AK9: variants seen among roughly 807,000 people sequenced by gnomAD.
AK9 encodes adenylate kinase domain containing 1.
A neutral mutation model predicts 239.6 loss-of-function variants in AK9; 191 were observed. The ratio of observed to expected loss-of-function variants is 0.80; its 90% confidence interval spans 0.71 to 0.90. The LOEUF (loss-of-function observed/expected upper bound fraction) is 0.90. Ranked by LOEUF, AK9 falls within the 40% of genes least tolerant of loss-of-function variation. The pLI is 0.00. For synonymous variants in AK9, 689 were observed against 721.0 expected (o/e 0.96, Z 0.71); for missense variants, 1,995 against 2,214.7 (o/e 0.90, Z 1.99).
intron 1 of AK9, among the ~76,000 whole-genome samples, chr6:109,690,000 G>T (rs1347530205): frequency 1.3e-5 from 2 of 152,176 alleles, no homozygotes; most frequent in African/African-American, 2.4e-5. Context: ...ACTACAGGGG[G>T]AAAGAAGCGC....
chr6:109,514,160 A>T, intron 32 of AK9, 64 bp downstream of exon 32: 2 of 1,423,132 alleles, frequency 1.4e-6, no homozygotes, highest in Non-Finnish European at 1.9e-6. Flanking sequence ...TTGACCTGCC[A>T]TGTGCATTGG....
rs752779642 is a variant in AK9, at chr6:109,542,167, G to A, written c.3230C>T (p.Pro1077Leu). The A allele has an allele frequency of 1.1e-5, 18 of 1,583,394 alleles. No homozygotes were observed. The highest frequency in any genetic ancestry group is 1.5e-5 in the Non-Finnish European group (17 of 1,169,556). The stretch of plus-strand genomic sequence containing the variant: ...TTCTTCTTCTGTAAGTTGTACTTCT[G>A]GAAGCTAAAAACAAAAATCAGAAAA... The part of the protein sequence containing the change: ...VEEENTKKQL[P>L]EVQLTEEEEV... Residue 1077 changes from proline to leucine, a missense_variant, in exon 27 of 41, where the codon CCA becomes CTA. Physicochemically the swap from Pro to Leu is moderately conservative, Grantham distance 98 (BLOSUM62 -3). Transcript: ENST00000424296.
At chr6:109,623,957 T>A (rs866800260) in intron 12 of AK9, among the ~76,000 whole-genome samples, 104 of 151,134 alleles carry the variant, frequency 6.9e-4, no homozygotes, top group African/African-American at 2.4e-3. Context: ...TAATACATTT[T>A]AAAAAAATAA....
intron 17 of AK9, among the ~76,000 whole-genome samples, chr6:109,602,971 G>A (rs985962095): frequency 2.6e-5 from 4 of 152,242 alleles, no homozygotes; most frequent in South Asian, 2.1e-4. Context: ...TTAGCCATTC[G>A]TCTAATCTTT....
chr6:109,516,517 T>C lies in AK9; in HGVS notation c.3759A>G (p.Glu1253=). 6.4e-7 allele frequency: 1 copy of C among 1,551,786 alleles called. No individual in the cohort carries two copies. The highest frequency in any genetic ancestry group is 8.7e-7 in the Non-Finnish European group (1 of 1,146,998). The part of the protein sequence containing the change: ...DEEEMSGEED[E]EQETDAIERL... ...GCTCAATTGCATCAGTTTCCTGTTCTTCATCTTCCTCGCCACTCATCTCTT... is the reference window on the plus strand; with the variant it reads ...GCTCAATTGCATCAGTTTCCTGTTCCTCATCTTCCTCGCCACTCATCTCTT... The change falls in exon 30 of 41, where the codon GAA becomes GAG. Residue 1253 remains glutamate (E), a synonymous_variant. Coordinates refer to ENST00000424296, the MANE Select transcript of AK9 (RefSeq NM_001145128.3).
chr6:109,622,728 T>C (rs1795032993), intron 12 of AK9, among the ~76,000 whole-genome samples: 1 of 150,440 alleles, frequency 6.6e-6, no homozygotes. Flanking sequence ...ACATATTATA[T>C]ATTATCTATA....
intron 39 of AK9, 79 bp downstream of exon 39, chr6:109,495,259 C>A: frequency 8.6e-7 from 1 of 1,165,714 alleles, no homozygotes. Flanking sequence ...TTTATTGTTC[C>A]CAAAATGAAA....
chr6:109,588,214 G>A (rs1055112939), intron 17 of AK9, among the ~76,000 whole-genome samples: 2 of 152,102 alleles, frequency 1.3e-5, no homozygotes, highest in Non-Finnish European at 2.9e-5. Context: ...GGGACTACAG[G>A]CATGCGCCAC....
intron 1 of AK9, chr6:109,690,372 T>C (rs536120190): frequency 4.6e-5 from 7 of 152,356 alleles, no homozygotes; most frequent in African/African-American, 1.7e-4. Context: ...GAAAAGAAGC[T>C]GGTCTGGGGG....
chr6:109,631,486 T>C (rs893772234), intron 12 of AK9, among the ~76,000 whole-genome samples: 1 of 152,186 alleles, frequency 6.6e-6, no homozygotes, highest in African/African-American at 2.4e-5. Flanking sequence ...TGAGATACTA[T>C]TATACACTCA....
intron 26 of AK9, 52 bp downstream of exon 26, chr6:109,545,815 A>C: frequency 6.5e-7 from 1 of 1,547,498 alleles, no homozygotes. Context: ...AAACAACAAC[A>C]ATAACAACAG....
At chr6:109,510,170 T>G (rs1320817785) in intron 32 of AK9, among the ~76,000 whole-genome samples, 1 of 151,998 alleles carries the variant, frequency 6.6e-6, no homozygotes, top group Admixed American at 6.5e-5. Flanking sequence ...GTGCCTCTTC[T>G]GGGCCTACCC....
At position 109,671,925 on chromosome 6, in the gene AK9, G is replaced by A; in HGVS notation, c.325C>T (p.His109Tyr). The A allele has an allele frequency of 1.2e-6, 2 of 1,613,330 alleles. No individual in the cohort carries two copies. Among genetic ancestry groups the A allele is most frequent in the South Asian group, 2.2e-5 (2 of 91,024 alleles). ...LEKLNSPEVC[H>Y]FGYIITEIPS... The stretch of plus-strand genomic sequence containing the variant: ...TATATTAAAATAAACATACCAAAGT[G>A]ACAGACTTCTGGGGAGTTGAGCTTC... The change falls in exon 5 of 41, where the codon CAC becomes TAC. Residue 109 changes from histidine to tyrosine, a missense_variant. By Grantham distance (83) the His-to-Tyr change is moderately conservative. Coordinates refer to ENST00000424296, the MANE Select transcript of AK9 (RefSeq NM_001145128.3).
intron 29 of AK9, among the ~76,000 whole-genome samples, chr6:109,525,118 G>A (rs549928294): frequency 7.2e-5 from 11 of 152,246 alleles, no homozygotes; most frequent in Admixed American, 4.6e-4. Context: ...TTATTTACTA[G>A]GGAGTCATTT....
At chr6:109,590,107 C>T (rs1790024744) in intron 17 of AK9, among the ~76,000 whole-genome samples, 1 of 152,018 alleles carries the variant, frequency 6.6e-6, no homozygotes, top group African/African-American at 2.4e-5. Flanking sequence ...ATTCACTCCT[C>T]CTTGATGTTT....
chr6:109,619,978 G>A (rs574846118), intron 12 of AK9, among the ~76,000 whole-genome samples: 1 of 152,080 alleles, frequency 6.6e-6, no homozygotes, highest in African/African-American at 2.4e-5. Context: ...AGATTCATCA[G>A]TGTTATTGTG....
In AK9 at chr6:109,493,435, G is replaced by A; in HGVS notation, c.5670C>T (p.Ala1890=). 1 of 1,614,140 alleles carries A rather than the reference G, an allele frequency of 6.2e-7. No homozygotes were observed. The highest frequency in any genetic ancestry group is 1.3e-5 in the African/African-American group (1 of 75,040). ...TRKYKEPQFR[A]IDFDHKLKTF... is the part of the protein sequence containing the mutation. The stretch of plus-strand genomic sequence containing the variant: ...TCTTTAACTTATGATCAAAGTCAAT[G>A]GCTCTGAACTGAGGTTCCTTGTATT... Residue 1890 remains alanine, a synonymous_variant, in exon 41 of 41, where the codon GCC becomes GCT. Transcript: ENST00000424296.
intron 17 of AK9, among the ~76,000 whole-genome samples, chr6:109,600,825 G>A (rs1442369918): frequency 6.6e-6 from 1 of 152,160 alleles, no homozygotes; most frequent in East Asian, 1.9e-4. Flanking sequence ...ATGTGTCCAT[G>A]AATTTATCCA....
At chr6:109,531,490 C>T (rs1582868104) in intron 28 of AK9, among the ~76,000 whole-genome samples, 1 of 151,970 alleles carries the variant, frequency 6.6e-6, no homozygotes, top group African/African-American at 2.4e-5. Context: ...CTGTTCTGTC[C>T]AGTACAACAG....
Sources: gnomAD v4.1 joint callset for allele counts (sites outside exome capture counted in the v4.1 genomes callset) on GRCh38, gnomAD v4.1.1 for gene constraint, MANE v1.5 for transcripts, NCBI Gene and HGNC (gene_info 2026-07-23, HGNC 2026-07-21) for gene names.